Variants in ARMC3 observed in about 807,000 individuals in gnomAD.
The protein encoded by ARMC3 is armadillo repeat-containing protein 3.
A neutral mutation model predicts 90.3 loss-of-function variants in ARMC3; 74 were observed. The ratio of observed to expected loss-of-function variants is 0.82; its 90% CI spans 0.68 to 0.99. The LOEUF (loss-of-function observed/expected upper bound fraction) is 0.99, where lower values mean the gene tolerates loss of function less well. Among genes scored for constraint, ARMC3 ranks in the 50% least tolerant of loss-of-function variants. ARMC3 has a pLI of 0.00. For synonymous variants in ARMC3, 334 were observed against 361.8 expected (o/e 0.92, Z 0.87); for missense variants, 958 against 1,042.8 (o/e 0.92, Z 1.12).
In ARMC3 at chr10:23,008,823, G is replaced by A; in HGVS notation, c.1937G>A (p.Ser646Asn). ...RSSKEKNKKN[S>N]YHFSAGFGSP... ...TTTTTTCAAATGACAAGAAAAAATA[G>A]TTATCATTTTAGTGCTGGATTTGGA... is the stretch of plus-strand genomic sequence containing the variant. Residue 646 changes from serine to asparagine, a missense_variant, in exon 16 of 19, where the codon AGT becomes AAT. By Grantham distance (46) the Ser-to-Asn change is conservative. Coordinates refer to ENST00000298032, the MANE Select transcript of ARMC3 (RefSeq NM_173081.5). 1 of 1,611,010 alleles carries A rather than the reference G, an allele frequency of 6.2e-7. No homozygotes were observed. The highest frequency in any genetic ancestry group is 2.2e-5 in the East Asian group (1 of 44,798).
At chr10:23,024,393 C>G (rs35430108) in intron 16 of ARMC3, among the ~76,000 whole-genome samples, 7,364 of 133,524 alleles carry the variant, frequency 0.055, 239 homozygotes, top group African/African-American at 0.1. Context: ...AGGAATGCCA[C>G]ATAGATAGAT....
chr10:23,003,502 A>G (rs988539617), intron 13 of ARMC3, 88 bp downstream of exon 13: 2 of 1,036,194 alleles, frequency 1.9e-6, no homozygotes, highest in Non-Finnish European at 2.7e-6. Context: ...TTTCATCATC[A>G]CCTAATGTAA....
At chr10:23,026,656 G>A (rs1472946211) in intron 16 of ARMC3, among the ~76,000 whole-genome samples, 3 of 152,036 alleles carry the variant, frequency 2.0e-5, no homozygotes, top group Admixed American at 6.6e-5. Context: ...ATACTTAATG[G>A]TAAAAGACTG....
intron 3 of ARMC3, 59 bp downstream of exon 3, chr10:22,946,320 C>T (rs968045590): frequency 7.9e-6 from 9 of 1,141,688 alleles, no homozygotes; most frequent in African/African-American, 1.6e-5. Flanking sequence ...TATTTACTAC[C>T]TCTTGGGCAC....
At chr10:22,936,858 A>G (rs1834130234) in intron 2 of ARMC3, among the ~76,000 whole-genome samples, 1 of 151,898 alleles carries the variant, frequency 6.6e-6, no homozygotes, top group African/African-American at 2.4e-5. Context: ...TTGGATTGCA[A>G]CTCTTACAGT....
chr10:23,036,748 G>C (rs1839138922), intron 18 of ARMC3, among the ~76,000 whole-genome samples: 1 of 152,214 alleles, frequency 6.6e-6, no homozygotes, highest in Non-Finnish European at 1.5e-5. Flanking sequence ...GCAAATTCAA[G>C]AGACAGTTTC....
intron 3 of ARMC3, among the ~76,000 whole-genome samples, chr10:22,951,139 G>A (rs1588832764): frequency 6.6e-6 from 1 of 152,200 alleles, no homozygotes; most frequent in African/African-American, 2.4e-5. Context: ...GGGTTTCACT[G>A]TGTTAGCCAG....
rs1274462900 is a variant in ARMC3, at chr10:23,003,332, A to G, written c.1649A>G (p.Asn550Ser). ...GCAGCTTATAATAAGTTGCTCAATA[A>G]CAATCTTTCCCTGAAATACAGCCAG... is the stretch of plus-strand genomic sequence containing the variant. Reference protein sequence around the residue: ...SEAAYNKLLNNNLSLKYSQTG... With the variant: ...SEAAYNKLLNSNLSLKYSQTG... The change falls in exon 13 of 19, where the codon AAC becomes AGC. Residue 550 changes from asparagine (N) to serine (S), a missense_variant. Transcript: ENST00000298032. 4 of 1,613,750 alleles carry G rather than the reference A, an allele frequency of 2.5e-6. No individual in the cohort carries two copies. The highest frequency in any genetic ancestry group is 3.4e-6 in the Non-Finnish European group (4 of 1,179,822).
intron 7 of ARMC3, among the ~76,000 whole-genome samples, chr10:22,965,159 A>AT (rs776080157): frequency 6.6e-6 from 1 of 151,968 alleles, no homozygotes; most frequent in African/African-American, 2.4e-5. Context: ...GATGCTTTTC[A>AT]TTTTTTCCTG....
intron 16 of ARMC3, among the ~76,000 whole-genome samples, chr10:23,009,330 C>G (rs1418868994): frequency 3.9e-5 from 6 of 152,330 alleles, no homozygotes; most frequent in Admixed American, 3.9e-4. Flanking sequence ...TGTGTGGTCC[C>G]ACGCTCTCTC....
At chr10:22,948,660 G>A (rs181467386) in intron 3 of ARMC3, among the ~76,000 whole-genome samples, 4 of 152,066 alleles carry the variant, frequency 2.6e-5, no homozygotes, top group East Asian at 1.9e-4. Context: ...ACTGAGAGAC[G>A]GGAAACAAGG....
chr10:22,998,280 G>C lies in ARMC3; in HGVS notation c.1308G>C (p.Gln436His). 1 of 1,612,446 alleles carries C rather than the reference G, an allele frequency of 6.2e-7. No individual in the cohort carries two copies. The highest frequency in any genetic ancestry group is 8.5e-7 in the Non-Finnish European group (1 of 1,179,124). ...AGGAGCCCCTGCGCCTGAACATACA[G>C]AATCACGACATCATGCATGCCATCA... is the stretch of plus-strand genomic sequence containing the variant. The part of the protein sequence containing the change: ...AMQEPLRLNI[Q>H]NHDIMHAIIS... The change falls in exon 11 of 19, where the codon CAG (glutamine) becomes CAC (histidine). Residue 436 changes from glutamine (Q) to histidine (H), a missense_variant. Transcript: ENST00000298032.
At position 23,014,173 on chromosome 10, in the gene ARMC3, A is replaced by G. The variant is rs866721747; in HGVS notation, c.2045+5242A>G. The G allele has an allele frequency of 3.8e-5, 59 of 1,549,178 alleles. No homozygotes were observed. The African/African-American group carries it at 6.8e-4, about 18-fold the overall frequency. On this transcript the variant is annotated intron_variant, in intron 16 of 18. Transcript: ENST00000298032. ...AGGATTGTTGGCATGAGGAGAACAC[A>G]GAGACTTTGGATTCAGACACAACTG... is the stretch of plus-strand genomic sequence containing the variant.
chr10:22,936,747 A>C (rs1436049568), intron 2 of ARMC3, among the ~76,000 whole-genome samples: 1 of 152,062 alleles, frequency 6.6e-6, no homozygotes, highest in African/African-American at 2.4e-5. Flanking sequence ...CTTTTTAATA[A>C]AAAAATTACT....
chr10:22,971,420 C>T (rs189221010), intron 8 of ARMC3, among the ~76,000 whole-genome samples: 243 of 150,656 alleles, frequency 1.6e-3, no homozygotes, highest in African/African-American at 4.9e-3. Context: ...GTTACTGAAT[C>T]ATATGGTAAT....
chr10:22,973,894 G>T (rs1371662834), intron 8 of ARMC3, among the ~76,000 whole-genome samples: 1 of 151,184 alleles, frequency 6.6e-6, no homozygotes, highest in Non-Finnish European at 1.5e-5. Flanking sequence ...TAGTAGCTGG[G>T]TCTACAGGTG....
intron 16 of ARMC3, among the ~76,000 whole-genome samples, chr10:23,018,763 G>A (rs1479076319): frequency 3.3e-5 from 5 of 152,026 alleles, no homozygotes; most frequent in South Asian, 2.1e-4. Context: ...TGATCCACCC[G>A]CCTTGGCCTC....
At chr10:22,942,235 C>G (rs183104088) in intron 2 of ARMC3, among the ~76,000 whole-genome samples, 9 of 152,252 alleles carry the variant, frequency 5.9e-5, no homozygotes, top group Non-Finnish European at 1.2e-4. Flanking sequence ...TTGAAAAAGT[C>G]AAGTTGTATC....
chr10:23,028,170 A>G (rs1369736490), intron 16 of ARMC3, among the ~76,000 whole-genome samples: 2 of 151,980 alleles, frequency 1.3e-5, no homozygotes, highest in Non-Finnish European at 2.9e-5. Flanking sequence ...AACAACAACA[A>G]CAATTTTGTT....
Sources: gnomAD v4.1 joint callset for allele counts (sites outside exome capture counted in the v4.1 genomes callset) on GRCh38, gnomAD v4.1.1 for gene constraint, MANE v1.5 for transcripts, NCBI Gene and HGNC (gene_info 2026-07-23, HGNC 2026-07-21) for gene names.